Variants in BCL2 observed in about 807,000 individuals in gnomAD.
BCL2 encodes apoptosis regulator Bcl-2.
BCL2 carries 1 observed loss-of-function variant against 14.2 expected under a neutral mutation model. The observed-to-expected ratio is 0.07, with a 90% CI of 0.02 to 0.33. BCL2 has a LOEUF of 0.33. Among genes scored for constraint, BCL2 ranks in the 10% least tolerant of loss-of-function variants. The pLI, the probability that BCL2 is intolerant of heterozygous loss-of-function variation, is 0.99. For synonymous variants in BCL2, 151 were observed against 137.2 expected (o/e 1.10, Z -0.70); for missense variants, 247 against 305.9 (o/e 0.81, Z 1.44).
At chr18:63,301,771 C>T (rs938092957) in intron 2 of BCL2, among the ~76,000 whole-genome samples, 1 of 152,100 alleles carries the variant, frequency 6.6e-6, no homozygotes, top group South Asian at 2.1e-4. Flanking sequence ...CCTTTTCACA[C>T]GGGAAACCAG....
chr18:63,306,212 TTCAG>T (rs1162223915), intron 2 of BCL2, among the ~76,000 whole-genome samples: 2 of 152,190 alleles, frequency 1.3e-5, no homozygotes, highest in East Asian at 1.9e-4. Flanking sequence ...TTCTAAAGCA[TTCAG>T]TCAATCATTA....
At chr18:63,189,876 G>A (rs1909239950) in intron 2 of BCL2, among the ~76,000 whole-genome samples, 1 of 152,174 alleles carries the variant, frequency 6.6e-6, no homozygotes, top group African/African-American at 2.4e-5. Flanking sequence ...AGATAAATAT[G>A]TGTTCAGTAT....
chr18:63,182,822 A>T (rs150179903), intron 2 of BCL2, among the ~76,000 whole-genome samples: 2,619 of 150,602 alleles, frequency 0.017, 44 homozygotes, highest in Non-Finnish European at 0.027. Context: ...GGTAAATAAA[A>T]CCTCATGTCC....
At chr18:63,237,738 C>A (rs968863644) in intron 2 of BCL2, among the ~76,000 whole-genome samples, 1 of 152,104 alleles carries the variant, frequency 6.6e-6, no homozygotes, top group African/African-American at 2.4e-5. Flanking sequence ...GATACCCAGA[C>A]AAAACACGGC....
Position 63,124,072 on chromosome 18 carries a change from C to G in BCL2, c.*4553G>C, listed in dbSNP as rs573907712. 7.6e-4 allele frequency: 168 copies of G among 221,886 alleles called. No individual in the cohort carries two copies. The highest frequency in any genetic ancestry group is 1.3e-3 in the Non-Finnish European group (144 of 110,912). The allele number at this position is 221,886 out of a possible 1,614,324, so 13.7% of individuals were successfully genotyped here. A position where few individuals can be genotyped will look rare whatever the true frequency, so the allele number is the denominator to read the frequency against. ...ATGAACCGGTACAGTACCATTCATG[C>G]TCCATCTGATTTTCTTTGCATCCAG... is the stretch of plus-strand genomic sequence containing the variant. On this transcript the variant is annotated 3_prime_UTR_variant, in exon 3 of 3. Transcript: ENST00000333681.
chr18:63,296,816 T>G (rs1912810191), intron 2 of BCL2, among the ~76,000 whole-genome samples: 1 of 152,212 alleles, frequency 6.6e-6, no homozygotes, highest in African/African-American at 2.4e-5. Context: ...AGGAAAGGTC[T>G]TTCTATCCTC....
intron 2 of BCL2, among the ~76,000 whole-genome samples, chr18:63,212,353 A>C (rs1367618027): frequency 1.4e-5 from 2 of 142,058 alleles, no homozygotes; most frequent in Admixed American, 6.8e-5. Context: ...CAACAACAAC[A>C]AAAAAAACAC....
chr18:63,141,210 A>G (rs1483406364), intron 2 of BCL2, among the ~76,000 whole-genome samples: 1 of 152,174 alleles, frequency 6.6e-6, no homozygotes, highest in Non-Finnish European at 1.5e-5. Context: ...TAGTGACCTT[A>G]TTCTTCACCC....
chr18:63,248,721 C>G (rs1911220897), intron 2 of BCL2, among the ~76,000 whole-genome samples: 5 of 152,176 alleles, frequency 3.3e-5, no homozygotes, highest in African/African-American at 1.2e-4. Context: ...ATATTGTCTC[C>G]CCCAAGGCAT....
rs141480354 is a variant in BCL2 at position 63,129,843 on chromosome 18, G to C, written c.586-1084C>G. 3.9e-3 allele frequency among the ~76,000 whole-genome samples: 594 copies of C among 152,276 alleles called. 3 individuals are homozygous for C. Among genetic ancestry groups the C allele is most frequent in the African/African-American group, 0.013 (549 of 41,548 alleles). ...TGCAGTGCCAACCTCTAAGGTCAAG[G>C]TTCTCCTGGGGAAAGGGAGCTGTCA... On this transcript the variant is annotated intron_variant, in intron 2 of 2. Coordinates refer to ENST00000333681, the MANE Select transcript of BCL2 (RefSeq NM_000633.3).
chr18:63,263,910 C>T (rs967774507), intron 2 of BCL2, among the ~76,000 whole-genome samples: 2 of 152,220 alleles, frequency 1.3e-5, no homozygotes, highest in African/African-American at 2.4e-5. Flanking sequence ...ACTGCAACCT[C>T]TGCTTCCCGG....
intron 2 of BCL2, among the ~76,000 whole-genome samples, chr18:63,309,630 C>T (rs1232860047): frequency 6.6e-6 from 1 of 152,130 alleles, no homozygotes; most frequent in Non-Finnish European, 1.5e-5. Context: ...CAGGCTCAGT[C>T]ACTGTCAATC....
intron 2 of BCL2, among the ~76,000 whole-genome samples, chr18:63,277,769 G>T (rs1382020582): frequency 1.3e-5 from 2 of 152,048 alleles, no homozygotes; most frequent in Admixed American, 6.6e-5. Flanking sequence ...CCCACCCTTT[G>T]CTAGGTAAAG....
At chr18:63,314,164 T>C (rs534483749) in intron 2 of BCL2, 22 of 152,226 alleles carry the variant, frequency 1.4e-4, no homozygotes, top group Non-Finnish European at 2.8e-4. Flanking sequence ...GGCAGAAAGA[T>C]GCACTTTCCC....
intron 2 of BCL2, among the ~76,000 whole-genome samples, chr18:63,275,699 A>T (rs1481101204): frequency 1.3e-5 from 2 of 152,228 alleles, no homozygotes; most frequent in African/African-American, 2.4e-5. Flanking sequence ...ACTGTCTGGA[A>T]GGCCAGGCAT....
At chr18:63,225,701 C>T (rs1255015252) in intron 2 of BCL2, among the ~76,000 whole-genome samples, 2 of 152,168 alleles carry the variant, frequency 1.3e-5, no homozygotes, top group African/African-American at 4.8e-5. Flanking sequence ...TGAAGACATG[C>T]TGCACTCCAC....
Position 63,251,623 on chromosome 18 carries a change from T to C in BCL2, c.585+66459A>G, listed in dbSNP as rs866839912. Among the ~76,000 whole-genome samples, 114 of 146,226 alleles carry C rather than the reference T, an allele frequency of 7.8e-4. 2 individuals are homozygous for C. In the East Asian group the frequency reaches 0.022, roughly 28 times the overall value. Reference sequence around the variant, plus strand: ...TCCCGCCACTGCACTCCAGCCTGGGTGACAGAGCAAGACTCTGTCTCAAAA... The same window carrying C: ...TCCCGCCACTGCACTCCAGCCTGGGCGACAGAGCAAGACTCTGTCTCAAAA... On this transcript the variant is annotated intron_variant, in intron 2 of 2. Transcript: ENST00000333681.
At chr18:63,252,750 C>T (rs1006268968) in intron 2 of BCL2, among the ~76,000 whole-genome samples, 7 of 152,174 alleles carry the variant, frequency 4.6e-5, no homozygotes, top group Non-Finnish European at 1.0e-4. Context: ...AAACCTCTTT[C>T]TTTTGTAAAT....
intron 2 of BCL2, among the ~76,000 whole-genome samples, chr18:63,209,454 G>A (rs1380978143): frequency 1.3e-5 from 2 of 152,230 alleles, no homozygotes; most frequent in Non-Finnish European, 2.9e-5. Flanking sequence ...TGACTAAGAT[G>A]TGGGGAGCCA....
Sources: allele counts gnomAD v4.1 joint callset (sites outside exome capture counted in the v4.1 genomes callset), GRCh38; gene constraint gnomAD v4.1.1; transcripts MANE v1.5; gene names NCBI Gene and HGNC (gene_info 2026-07-23, HGNC 2026-07-21).